The following SH3RF1 variants were observed in gnomAD, a reference collection of about 807,000 sequenced individuals.
The protein encoded by SH3RF1 is E3 ubiquitin-protein ligase SH3RF1.
A neutral mutation model predicts 74.0 loss-of-function variants in SH3RF1; 32 were observed. That is an observed-to-expected ratio of 0.43 (90% CI 0.33 to 0.58). The LOEUF (loss-of-function observed/expected upper bound fraction) is 0.58, where lower values mean the gene tolerates loss of function less well. SH3RF1 is among the 20% of genes least tolerant of loss of function. The pLI is 0.05. For missense variants in SH3RF1, 954 were observed against 1,130.9 expected (o/e 0.84, Z 2.24); for synonymous variants, 396 against 439.6 (o/e 0.90, Z 1.24).
chr4:169,216,429 A>G (rs1013800559), intron 2 of SH3RF1, among the ~76,000 whole-genome samples: 18 of 152,174 alleles, frequency 1.2e-4, no homozygotes, highest in Non-Finnish European at 1.5e-4. Flanking sequence ...ATTTTGAGAT[A>G]TATTTTCTGG....
At chr4:169,143,238 G>T (rs1269924986) in intron 4 of SH3RF1, among the ~76,000 whole-genome samples, 1 of 152,108 alleles carries the variant, frequency 6.6e-6, no homozygotes, top group Admixed American at 6.5e-5. Context: ...AAAGAAATAG[G>T]TAAAACTCAT....
intron 10 of SH3RF1, among the ~76,000 whole-genome samples, chr4:169,109,598 A>G (rs911556769): frequency 9.2e-5 from 14 of 152,174 alleles, no homozygotes; most frequent in Admixed American, 3.9e-4. Context: ...TTTCTATGTT[A>G]GCAGAAGAAT....
chr4:169,218,551 C>A lies in SH3RF1; in HGVS notation c.393+50269G>T, dbSNP rs553185221. On this transcript the variant is annotated intron_variant, in intron 2 of 11. Coordinates refer to ENST00000284637, the MANE Select transcript of SH3RF1 (RefSeq NM_020870.4). ...AAAACACTGGCCTGGTGCAAAAACTCCTTTTACCCTTTCCCTGGAGCCAGG... is the reference window on the plus strand; with the variant it reads ...AAAACACTGGCCTGGTGCAAAAACTACTTTTACCCTTTCCCTGGAGCCAGG... Among the ~76,000 whole-genome samples the A allele has an allele frequency of 2.7e-5, 4 of 150,044 alleles. No individual in the cohort carries two copies. The East Asian group carries it at 7.8e-4, about 29-fold the overall frequency.
chr4:169,196,415 A>G (rs1734812269), intron 2 of SH3RF1, among the ~76,000 whole-genome samples: 1 of 152,184 alleles, frequency 6.6e-6, no homozygotes, highest in African/African-American at 2.4e-5. Context: ...GTTTCTGAGA[A>G]CCTATAGACA....
intron 2 of SH3RF1, among the ~76,000 whole-genome samples, chr4:169,233,092 T>C (rs940818690): frequency 5.9e-5 from 9 of 151,620 alleles, no homozygotes; most frequent in South Asian, 4.2e-4. Context: ...CTACTAAAAA[T>C]ACAAAAATCA....
intron 11 of SH3RF1, among the ~76,000 whole-genome samples, chr4:169,097,615 C>T (rs1314577231): frequency 6.6e-6 from 1 of 152,088 alleles, no homozygotes; most frequent in Non-Finnish European, 1.5e-5. Context: ...CTCTATTTTT[C>T]CAGCATTATT....
At chr4:169,153,382 G>A (rs751213060) in intron 4 of SH3RF1, among the ~76,000 whole-genome samples, 1 of 152,188 alleles carries the variant, frequency 6.6e-6, no homozygotes, top group African/African-American at 2.4e-5. Context: ...TAAGATATAA[G>A]AGAATTATTT....
At chr4:169,129,229 A>C (rs931091161) in intron 6 of SH3RF1, among the ~76,000 whole-genome samples, 1 of 152,218 alleles carries the variant, frequency 6.6e-6, no homozygotes, top group Non-Finnish European at 1.5e-5. Flanking sequence ...TCAGCACTGG[A>C]GCAAATAGAA....
At position 169,100,869 on chromosome 4, in the gene SH3RF1, C is replaced by A. The variant is rs1230393585; in HGVS notation, c.2499-4182G>T. On this transcript the variant is annotated intron_variant, in intron 11 of 11. Coordinates refer to ENST00000284637, the MANE Select transcript of SH3RF1 (RefSeq NM_020870.4). Reference sequence around the variant, plus strand: ...TGTCCCCTATTCAGGGCCTTTACTTCCCCCACGCCACACCTTGGCTCATGC... The same window carrying A: ...TGTCCCCTATTCAGGGCCTTTACTTACCCCACGCCACACCTTGGCTCATGC... Among the ~76,000 whole-genome samples the A allele has an allele frequency of 3.3e-5, 5 of 152,292 alleles. No individual in the cohort carries two copies. In the East Asian group the frequency reaches 9.7e-4, roughly 29 times the overall value.
chr4:169,260,358 C>T (rs935901733), intron 2 of SH3RF1, among the ~76,000 whole-genome samples: 3 of 152,186 alleles, frequency 2.0e-5, no homozygotes, highest in Non-Finnish European at 2.9e-5. Flanking sequence ...CCTGCTCCCC[C>T]TGTCTGTTCT....
chr4:169,215,411 C>G lies in SH3RF1; in HGVS notation c.393+53409G>C, dbSNP rs186042718. 2.0e-4 allele frequency among the ~76,000 whole-genome samples: 30 copies of G among 152,226 alleles called. 1 individual carries two copies. The highest frequency in any genetic ancestry group is 1.9e-3 in the Admixed American group (29 of 15,294). ...CATGACAGATATTGCAGTTCCTTTT[C>G]TTGTAATGTCTTTATCTGGTTTTGG... On this transcript the variant is annotated intron_variant, in intron 2 of 11. Coordinates refer to ENST00000284637, the MANE Select transcript of SH3RF1 (RefSeq NM_020870.4).
At chr4:169,253,859 G>T (rs1156963311) in intron 2 of SH3RF1, among the ~76,000 whole-genome samples, 1 of 152,232 alleles carries the variant, frequency 6.6e-6, no homozygotes, top group Non-Finnish European at 1.5e-5. Flanking sequence ...GTGCCTGGGG[G>T]ATAGGAGATA....
chr4:169,257,819 T>C (rs1477695259), intron 2 of SH3RF1, among the ~76,000 whole-genome samples: 1 of 152,214 alleles, frequency 6.6e-6, no homozygotes, highest in Non-Finnish European at 1.5e-5. Flanking sequence ...TATTTAGAGC[T>C]TAATCCAAAG....
intron 8 of SH3RF1, among the ~76,000 whole-genome samples, chr4:169,118,937 G>A (rs893271535): frequency 7.2e-5 from 11 of 152,072 alleles, no homozygotes; most frequent in African/African-American, 2.7e-4. Context: ...GTATAGTTTT[G>A]TGTAATGTGT....
chr4:169,201,844 C>T (rs1008847497), intron 2 of SH3RF1: 1 of 152,026 alleles, frequency 6.6e-6, no homozygotes, highest in Non-Finnish European at 1.5e-5. Context: ...CACAGAAAAC[C>T]CATCTGTCGT....
chr4:169,210,072 A>T (rs1445275548), intron 2 of SH3RF1, among the ~76,000 whole-genome samples: 2 of 152,120 alleles, frequency 1.3e-5, no homozygotes, highest in Non-Finnish European at 2.9e-5. Context: ...GTGGCACCAC[A>T]GGCATGAGGC....
intron 2 of SH3RF1, among the ~76,000 whole-genome samples, chr4:169,266,532 A>G (rs1220809674): frequency 6.7e-6 from 1 of 149,034 alleles, no homozygotes; most frequent in South Asian, 2.1e-4. Context: ...TGTTTGAACT[A>G]TATGTATGGC....
chr4:169,193,815 G>C (rs1262351585), intron 2 of SH3RF1, among the ~76,000 whole-genome samples: 1 of 152,188 alleles, frequency 6.6e-6, no homozygotes, highest in African/African-American at 2.4e-5. Flanking sequence ...TAGAGTCTAC[G>C]AGCCTTGGGA....
At chr4:169,180,262 AAG>A (rs1734486415) in intron 2 of SH3RF1, among the ~76,000 whole-genome samples, 1 of 151,996 alleles carries the variant, frequency 6.6e-6, no homozygotes, top group Non-Finnish European at 1.5e-5. Flanking sequence ...TAGAAAAGAA[AAG>A]AAGAGTTAAA....
Sources: allele counts gnomAD v4.1 joint callset (sites outside exome capture counted in the v4.1 genomes callset), GRCh38; gene constraint gnomAD v4.1.1; transcripts MANE v1.5; gene names NCBI Gene and HGNC (gene_info 2026-07-23, HGNC 2026-07-21).